COPB1: variants seen among roughly 807,000 people sequenced by gnomAD.
COPB1 encodes coatomer subunit beta.
A neutral mutation model predicts 108.7 loss-of-function variants in COPB1; 21 were observed. That is an observed-to-expected ratio of 0.19 (90% CI 0.14 to 0.28). The LOEUF (loss-of-function observed/expected upper bound fraction) is 0.28, where lower values mean the gene tolerates loss of function less well. Ranked by LOEUF, COPB1 falls within the 10% of genes least tolerant of loss-of-function variation. The pLI, the probability that COPB1 is intolerant of heterozygous loss-of-function variation, is 1.00. For missense variants in COPB1, 919 were observed against 1,141.3 expected, an observed-to-expected ratio of 0.81 and a Z score of 2.81; for synonymous variants, 378 against 386.8, an observed-to-expected ratio of 0.98 and a Z score of 0.27.
intron 14 of COPB1, among the ~76,000 whole-genome samples, chr11:14,472,130 G>A (rs1053602498): frequency 3.9e-5 from 6 of 152,098 alleles, no homozygotes; most frequent in East Asian, 3.8e-4. Flanking sequence ...CCAACTCTGC[G>A]CTACTACCAC....
intron 7 of COPB1, among the ~76,000 whole-genome samples, chr11:14,486,056 G>C (rs1024440250): frequency 5.3e-5 from 8 of 152,144 alleles, no homozygotes; most frequent in Non-Finnish European, 7.3e-5. Context: ...AGAGGGATTA[G>C]TCTTGCTGTC....
intron 18 of COPB1, among the ~76,000 whole-genome samples, chr11:14,462,479 G>C (rs1475571903): frequency 2.6e-5 from 4 of 151,940 alleles, no homozygotes; most frequent in Admixed American, 1.3e-4. Flanking sequence ...TGATCCACCC[G>C]CCTTGGCCTC....
At chr11:14,469,687 T>C in intron 14 of COPB1, 124 bp from the exon 15 acceptor site, 1 of 832,894 alleles carries the variant, frequency 1.2e-6, no homozygotes, top group Non-Finnish European at 1.9e-6. Context: ...ATTCTTTGGA[T>C]TTTATGTCCA....
chr11:14,477,389 C>CAAAAAA (rs61014253), intron 11 of COPB1, among the ~76,000 whole-genome samples: 30 of 73,238 alleles, frequency 4.1e-4, no homozygotes, highest in Middle Eastern at 9.3e-3. Context: ...GACTCCGTCT[C>CAAAAAA]AAAAAAAAAA....
intron 13 of COPB1, among the ~76,000 whole-genome samples, chr11:14,475,180 T>C (rs1405458818): frequency 6.6e-6 from 1 of 151,620 alleles, no homozygotes; most frequent in Non-Finnish European, 1.5e-5. Context: ...AATATTTAAT[T>C]AGGGGCATAC....
At chr11:14,486,611 A>G in intron 6 of COPB1, 107 bp from the exon 7 acceptor site, 1 of 1,373,802 alleles carries the variant, frequency 7.3e-7, no homozygotes. Flanking sequence ...CTCAATATGA[A>G]AGCTAAGAAC....
At chr11:14,490,876 A>C (rs1468114275) in intron 4 of COPB1, among the ~76,000 whole-genome samples, 197 bp from the exon 5 acceptor site, 1 of 148,608 alleles carries the variant, frequency 6.7e-6, no homozygotes, top group Non-Finnish European at 1.5e-5. Context: ...TGCTGCCTCC[A>C]CTTCCAGGGT....
At position 14,468,821 on chromosome 11, in the gene COPB1, C is replaced by T; in HGVS notation, c.2005G>A (p.Asp669Asn). 1 of 1,613,976 alleles carries T rather than the reference C, an allele frequency of 6.2e-7. No individual in the cohort carries two copies. The highest frequency in any genetic ancestry group is 2.2e-5 in the East Asian group (1 of 44,870). ...GTTAGTTGCATGAAGGAAATGGGGT[C>T]ATCAGGCTGTACTGTCACATTCCTC... ...EKRNVTVQPD[D>N]PISFMQLTAK... Residue 669 changes from aspartate (D) to asparagine (N), a missense_variant, in exon 16 of 22, where the codon GAC becomes AAC. This residue lies in a region of COPB1 where 705 missense variants were observed against 817.8 expected (regional missense o/e 0.86). Transcript: ENST00000439561.
At position 14,489,657 on chromosome 11, in the gene COPB1, C is replaced by T. The variant is rs532776813; in HGVS notation, c.606+908G>A. On this transcript the variant is annotated intron_variant, in intron 5 of 21. Transcript: ENST00000439561. ...CAAATACTGTATGATTCCACTTATC[C>T]GGAATACTTAGTCAAAATCACAGAG... Among the ~76,000 whole-genome samples, 21 of 152,084 alleles carry T rather than the reference C, an allele frequency of 1.4e-4. No individual in the cohort carries two copies. In the South Asian group the frequency reaches 4.2e-3, roughly 30 times the overall value.
At chr11:14,484,913 T>C (rs567028908) in intron 7 of COPB1, among the ~76,000 whole-genome samples, 2 of 152,336 alleles carry the variant, frequency 1.3e-5, no homozygotes, top group East Asian at 3.9e-4. Flanking sequence ...GCTGATGATA[T>C]AGTCTTGATA....
intron 14 of COPB1, among the ~76,000 whole-genome samples, chr11:14,471,376 CCCAACTT>C (rs1850398129): frequency 6.6e-6 from 1 of 152,138 alleles, no homozygotes; most frequent in Admixed American, 6.5e-5. Flanking sequence ...AGTAAACACT[CCCAACTT>C]CCAGAAGTGA....
chr11:14,476,849 C>A, intron 12 of COPB1, 70 bp downstream of exon 12: 1 of 860,248 alleles, frequency 1.2e-6, no homozygotes, highest in Non-Finnish European at 1.9e-6. Flanking sequence ...AAGCAAATCA[C>A]TATAAAAAGT....
At position 14,486,451 on chromosome 11, in the gene COPB1, G is replaced by A. The variant is rs1281011516; in HGVS notation, c.753C>T (p.Asn251=). 2.5e-6 allele frequency: 4 copies of A among 1,613,966 alleles called. No homozygotes were observed. The African/African-American group carries it at 4.0e-5, about 16-fold the overall frequency. Residue 251 remains asparagine, a synonymous_variant, in exon 7 of 22, where the codon AAC becomes AAT. Transcript: ENST00000439561. The part of the protein sequence containing the change: ...ERARFIRCIY[N]LLQSSSPAVK... ...CAGCAGGGCTGGATGACTGTAATAA[G>A]TTATAGATGCAGCGAATAAAACGAG... is the stretch of plus-strand genomic sequence containing the variant.
intron 21 of COPB1, among the ~76,000 whole-genome samples, chr11:14,458,232 T>C (rs1192872541): frequency 2.0e-5 from 3 of 151,674 alleles, no homozygotes; most frequent in Non-Finnish European, 4.4e-5. Context: ...GGGTGTGCGC[T>C]ACAACACCCA....
At chr11:14,458,451 T>C in intron 21 of COPB1, 81 bp downstream of exon 21, 1 of 1,345,856 alleles carries the variant, frequency 7.4e-7, no homozygotes. Flanking sequence ...AAAAAGATAC[T>C]ACATATAGAA....
At chr11:14,475,636 T>TA in intron 13 of COPB1, 149 bp downstream of exon 13, 5 of 676,774 alleles carry the variant, frequency 7.4e-6, no homozygotes, top group Non-Finnish European at 2.2e-6. Context: ...GGGAAGAACT[T>TA]AAACATCCTC....
chr11:14,488,542 G>C lies in COPB1; in HGVS notation c.649C>G (p.Gln217Glu). The change falls in exon 6 of 22, where the codon CAA (glutamine) becomes GAA (glutamate). Residue 217 changes from glutamine to glutamate, a missense_variant. By Grantham distance (29) the Gln-to-Glu change is conservative (BLOSUM62 2). Around this residue, in one of 5 missense-constraint regions of COPB1, gnomAD observed 78 missense variants for 95.4 expected, o/e 0.82. Transcript: ENST00000439561. Reference sequence around the variant, plus strand: ...AGCTGCAGAATGTCTCCAAATGTTTGAACTTGATCAATGCAAGTACTTAAG... The same window carrying C: ...AGCTGCAGAATGTCTCCAAATGTTTCAACTTGATCAATGCAAGTACTTAAG... ...DYLSTCIDQV[Q>E]TFGDILQLVI... 3.1e-6 allele frequency: 5 copies of C among 1,607,750 alleles called. No homozygotes were observed. The highest frequency in any genetic ancestry group is 1.1e-5 in the South Asian group (1 of 90,076).
rs1554965849 is a variant in COPB1 at position 14,499,808 on chromosome 11, C to CTCCGTCTACTCCGGA, written c.-160_-159insTCCGGAGTAGACGGA. On this transcript the variant is annotated 5_prime_UTR_variant, in exon 1 of 22. Transcript: ENST00000439561. ...TCTACTGCGGCTCCGTCTACTCCGGCTATGAACCGCAGCAGCGGCGGCGGC... is the reference window on the plus strand; with the variant it reads ...TCTACTGCGGCTCCGTCTACTCCGGCTCCGTCTACTCCGGATATGAACCGCAGCAGCGGCGGCGGC... 6.5e-6 allele frequency: 1 copy of CTCCGTCTACTCCGGA among 154,114 alleles called. No homozygotes were observed. The highest frequency in any genetic ancestry group is 1.4e-5 in the Non-Finnish European group (1 of 69,758). The allele number at this position is 154,114 out of a possible 1,614,324, so 9.5% of individuals were successfully genotyped here.
At position 14,479,580 on chromosome 11, in the gene COPB1, A is replaced by C. The variant is rs769029851; in HGVS notation, c.1347T>G (p.Ile449Met). 6.2e-7 allele frequency: 1 copy of C among 1,607,268 alleles called. No individual in the cohort carries two copies. Residue 449 changes from isoleucine to methionine, a missense_variant, in exon 11 of 22, where the codon ATT (isoleucine) becomes ATG (methionine). By Grantham distance (10) the Ile-to-Met change is conservative. Around this residue, in one of 5 missense-constraint regions of COPB1, gnomAD observed 705 missense variants for 817.8 expected, o/e 0.86. Coordinates refer to ENST00000439561, the MANE Select transcript of COPB1 (RefSeq NM_001144061.2). ...VEKMLEVFHA[I>M]KSVKIYRGAL... ...TATTTTAAACCTACTTGACAGATTT[A>C]ATAGCATGAAAGACTTCAAGCATCT...
Sources: allele counts gnomAD v4.1 joint callset (sites outside exome capture counted in the v4.1 genomes callset), GRCh38; gene constraint gnomAD v4.1.1; regional missense constraint gnomAD v4.1.1; transcripts MANE v1.5; gene names NCBI Gene and HGNC (gene_info 2026-07-23, HGNC 2026-07-21).